Variants in ITCH observed in about 807,000 individuals in gnomAD.
ITCH encodes itchy E3 ubiquitin protein ligase, also known as E3 ubiquitin-protein ligase Itchy homolog.
Under a neutral mutation model 126.8 loss-of-function variants are expected in ITCH, and 28 were observed. The ratio of observed to expected loss-of-function variants is 0.22; its 90% CI spans 0.16 to 0.30. The LOEUF (loss-of-function observed/expected upper bound fraction) is 0.30. Ranked by LOEUF, ITCH falls within the 10% of genes least tolerant of loss-of-function variation. ITCH has a pLI of 1.00. For missense variants in ITCH, 631 were observed against 1,032.4 expected, an observed-to-expected ratio of 0.61 and a Z score of 5.33; for synonymous variants, 342 against 340.0, an observed-to-expected ratio of 1.01 and a Z score of -0.06.
intron 13 of ITCH, among the ~76,000 whole-genome samples, chr20:34,457,764 G>C (rs565159919): frequency 6.6e-6 from 1 of 152,230 alleles, no homozygotes; most frequent in African/African-American, 2.4e-5. Context: ...CCTGCGTAAT[G>C]CAGTGAGACC....
At chr20:34,394,228 A>C (rs1182051838) in intron 3 of ITCH, among the ~76,000 whole-genome samples, 2 of 151,732 alleles carry the variant, frequency 1.3e-5, no homozygotes, top group African/African-American at 2.4e-5. Context: ...AAAAAAAAAA[A>C]AAAACTTAAG....
At chr20:34,410,735 A>T (rs181309685) in intron 4 of ITCH, among the ~76,000 whole-genome samples, 1 of 152,330 alleles carries the variant, frequency 6.6e-6, no homozygotes, top group Non-Finnish European at 1.5e-5. Flanking sequence ...CGCAGCCTCC[A>T]TGATTACCAG....
At chr20:34,371,845 A>G (rs1488313205) in intron 2 of ITCH, among the ~76,000 whole-genome samples, 4 of 152,060 alleles carry the variant, frequency 2.6e-5, no homozygotes, top group Non-Finnish European at 5.9e-5. Context: ...CAGCTCACTT[A>G]AATCTCCCTG....
rs149650915 is a variant in ITCH at position 34,390,575 on chromosome 20, A to G, written c.-21-3216A>G. ...AACGATCCTCCCGCCTCAGCCTCCC[A>G]AGTAGCTGGGATTACAAGCGTGTAC... On this transcript the variant is annotated intron_variant, in intron 2 of 24. Coordinates refer to ENST00000374864, the MANE Select transcript of ITCH (RefSeq NM_031483.7). Among the ~76,000 whole-genome samples the G allele has an allele frequency of 4.3e-3, 620 of 145,600 alleles. 5 individuals are homozygous for G. The highest frequency in any genetic ancestry group is 0.015 in the African/African-American group (568 of 39,134).
chr20:34,472,322 G>A (rs1987708821), intron 16 of ITCH, among the ~76,000 whole-genome samples: 1 of 147,606 alleles, frequency 6.8e-6, no homozygotes, highest in Admixed American at 6.9e-5. Flanking sequence ...ACCCGAGATC[G>A]TGCCATTGCA....
intron 2 of ITCH, among the ~76,000 whole-genome samples, chr20:34,384,916 C>G (rs2038216754): frequency 6.6e-6 from 1 of 152,028 alleles, no homozygotes; most frequent in African/African-American, 2.4e-5. Context: ...CCTGCCTCGG[C>G]CTCCTAAAAT....
At chr20:34,444,791 C>T (rs1208987523) in intron 10 of ITCH, among the ~76,000 whole-genome samples, 1 of 152,118 alleles carries the variant, frequency 6.6e-6, no homozygotes, top group East Asian at 1.9e-4. Context: ...CAGATCTGCG[C>T]CACCACACCT....
chr20:34,440,959 A>G (rs886620068), intron 9 of ITCH, among the ~76,000 whole-genome samples: 1 of 152,032 alleles, frequency 6.6e-6, no homozygotes, highest in Non-Finnish European at 1.5e-5. Context: ...TTTAATATCA[A>G]ACTATTTTTT....
chr20:34,462,527 T>C (rs1338848728), intron 14 of ITCH, among the ~76,000 whole-genome samples: 2 of 152,200 alleles, frequency 1.3e-5, no homozygotes, highest in East Asian at 1.9e-4. Flanking sequence ...CCTTAACTTT[T>C]TGACGTTAAA....
intron 7 of ITCH, among the ~76,000 whole-genome samples, chr20:34,433,266 G>C (rs538582981): frequency 8.1e-4 from 124 of 152,368 alleles, no homozygotes; most frequent in African/African-American, 2.7e-3. Context: ...CTCCACCCTG[G>C]GGGACAAGAG....
At chr20:34,447,120 G>A (rs1984557472) in intron 11 of ITCH, among the ~76,000 whole-genome samples, 1 of 151,338 alleles carries the variant, frequency 6.6e-6, no homozygotes, top group African/African-American at 2.4e-5. Flanking sequence ...GAGCACCAAC[G>A]GTGTGTTTTG....
At chr20:34,442,787 C>T (rs939216998) in intron 10 of ITCH, among the ~76,000 whole-genome samples, 8 of 150,696 alleles carry the variant, frequency 5.3e-5, no homozygotes, top group East Asian at 2.0e-4. Flanking sequence ...TCCTGGCTAA[C>T]GTGGTGAAAC....
At chr20:34,370,997 T>C (rs1342479948) in intron 2 of ITCH, among the ~76,000 whole-genome samples, 1 of 151,556 alleles carries the variant, frequency 6.6e-6, no homozygotes, top group East Asian at 2.0e-4. Flanking sequence ...TGAAACCCCG[T>C]CTCTACTAAA....
At chr20:34,426,202 A>G (rs1242855847) in intron 7 of ITCH, among the ~76,000 whole-genome samples, 4 of 152,244 alleles carry the variant, frequency 2.6e-5, no homozygotes, top group African/African-American at 4.8e-5. Context: ...GTGAGTAGGA[A>G]GAAGATGATG....
In ITCH at chr20:34,492,561, T is replaced by C; in HGVS notation, c.2380T>C (p.Cys794Arg). 1 of 1,613,074 alleles carries C rather than the reference T, an allele frequency of 6.2e-7. No individual in the cohort carries two copies. The change falls in exon 23 of 25, where the codon TGC (cysteine) becomes CGC (arginine). Residue 794 changes from cysteine to arginine, a missense_variant. Cys to Arg is a radical substitution (Grantham distance 180, BLOSUM62 -3). Transcript: ENST00000374864. ...ACTTCTGCAGTTTGTTACTGGAACCTGCCGATTGCCAGTAGGAGGATTTGC... is the reference window on the plus strand; with the variant it reads ...ACTTCTGCAGTTTGTTACTGGAACCCGCCGATTGCCAGTAGGAGGATTTGC... ...MRLLQFVTGT[C>R]RLPVGGFADL... is the part of the protein sequence containing the mutation.
chr20:34,374,946 G>A lies in ITCH; in HGVS notation c.-22+5476G>A, dbSNP rs554577906. ...AGTAGAGATAGGGTTTCATCATTTT[G>A]GCCAGGCTGGTGTTGAACTCCTGAC... On this transcript the variant is annotated intron_variant, in intron 2 of 24. Coordinates refer to ENST00000374864, the MANE Select transcript of ITCH (RefSeq NM_031483.7). Among the ~76,000 whole-genome samples the A allele has an allele frequency of 6.7e-5, 10 of 150,318 alleles. No individual in the cohort carries two copies. In the East Asian group the frequency reaches 2.0e-3, roughly 29 times the overall value.
At chr20:34,385,923 A>G (rs534245912) in intron 2 of ITCH, among the ~76,000 whole-genome samples, 1 of 152,188 alleles carries the variant, frequency 6.6e-6, no homozygotes, top group East Asian at 1.9e-4. Context: ...TTTCCTAGTA[A>G]ATGGGAAAGC....
At chr20:34,402,514 C>T (rs747444919) in intron 3 of ITCH, 1 of 750,434 alleles carries the variant, frequency 1.3e-6, no homozygotes, top group Non-Finnish European at 2.5e-6. Context: ...ACTCAGCAGT[C>T]ATAATCCCTC....
At chr20:34,400,665 T>TTTC (rs1306903844) in intron 3 of ITCH, among the ~76,000 whole-genome samples, 1 of 150,208 alleles carries the variant, frequency 6.7e-6, no homozygotes, top group East Asian at 1.9e-4. Context: ...TTTTTTTTTT[T>TTTC]GAGACAGTTT....
Sources: gnomAD v4.1 joint callset for allele counts (sites outside exome capture counted in the v4.1 genomes callset) on GRCh38, gnomAD v4.1.1 for gene constraint, MANE v1.5 for transcripts, NCBI Gene and HGNC (gene_info 2026-07-23, HGNC 2026-07-21) for gene names.